TIMM23B: variants seen among roughly 807,000 people sequenced by gnomAD.
TIMM23B encodes translocase of inner mitochondrial membrane 23 homolog B.
TIMM23B carries 27 observed loss-of-function variants against 27.3 expected under a neutral mutation model. The observed-to-expected ratio is 0.99, with a 90% CI of 0.73 to 1.36. TIMM23B has a LOEUF of 1.36. Among genes scored for constraint, TIMM23B ranks in the 40% most tolerant of loss-of-function variants. The pLI, the probability that TIMM23B is intolerant of heterozygous loss-of-function variation, is 0.00. For missense variants in TIMM23B, 205 were observed against 244.2 expected (o/e 0.84, Z 1.07); for synonymous variants, 73 against 92.4 (o/e 0.79, Z 1.21).
In TIMM23B at chr10:49,973,913, T is replaced by C. The variant is rs1270309022; in HGVS notation, c.*849T>C. ...GCCTCCCGGCTTCAAGCAGTTCTCC[T>C]GCCTCAGCCTCCCAAGTAGCTGGGA... On this transcript the variant is annotated 3_prime_UTR_variant, in exon 7 of 7. Transcript: ENST00000651259. The C allele has an allele frequency of 1.5e-5, 2 of 135,494 alleles. No individual in the cohort carries two copies. Among genetic ancestry groups the C allele is most frequent in the African/African-American group, 5.9e-5 (2 of 34,014 alleles). 8.4% of individuals were successfully genotyped at this position (135,494 alleles called of 1,614,324 possible). A position where few individuals can be genotyped will look rare whatever the true frequency, so the allele number is the denominator to read the frequency against.
intron 1 of TIMM23B, among the ~76,000 whole-genome samples, chr10:49,944,038 T>G (rs61847103): frequency 3.3e-5 from 5 of 152,094 alleles, no homozygotes; most frequent in Non-Finnish European, 7.4e-5. Context: ...AAATTTGGCA[T>G]GTTTAAGGAA....
intron 6 of TIMM23B, among the ~76,000 whole-genome samples, chr10:49,968,403 T>C (rs1481504120): frequency 6.6e-6 from 1 of 152,260 alleles, no homozygotes; most frequent in Non-Finnish European, 1.5e-5. Flanking sequence ...CTACGTGATA[T>C]TTGTGGTGGA....
chr10:49,954,125 A>G (rs1190842548), intron 4 of TIMM23B: 2 of 156,724 alleles, frequency 1.3e-5, no homozygotes, highest in African/African-American at 4.8e-5. Flanking sequence ...AAGCAATACA[A>G]ATTTTTGTTT....
chr10:49,959,057 T>C (rs1839814370), intron 6 of TIMM23B, among the ~76,000 whole-genome samples: 1 of 152,242 alleles, frequency 6.6e-6, no homozygotes, highest in East Asian at 1.9e-4. Context: ...TGAATAATGC[T>C]GCTACGAATA....
chr10:49,964,584 T>C (rs1364526277), intron 6 of TIMM23B, among the ~76,000 whole-genome samples: 1 of 147,374 alleles, frequency 6.8e-6, no homozygotes, highest in Non-Finnish European at 1.5e-5. Flanking sequence ...AATGAAATAA[T>C]GAAATGAATA....
At chr10:49,945,182 T>G in intron 2 of TIMM23B, 92 bp downstream of exon 2, 1 of 1,334,742 alleles carries the variant, frequency 7.5e-7, no homozygotes, top group Non-Finnish European at 1.1e-6. Context: ...GACATACACT[T>G]CTGGAGGCAG....
intron 4 of TIMM23B, among the ~76,000 whole-genome samples, chr10:49,953,682 C>G (rs1199827780): frequency 6.6e-6 from 1 of 152,138 alleles, no homozygotes; most frequent in Non-Finnish European, 1.5e-5. Context: ...CTGTGTGGAT[C>G]TCTGTCCATG....
At chr10:49,968,443 G>C (rs185072884) in intron 6 of TIMM23B, among the ~76,000 whole-genome samples, 1 of 151,902 alleles carries the variant, frequency 6.6e-6, no homozygotes, top group Admixed American at 6.5e-5. Context: ...ATTCCTCAGC[G>C]AATCAAGTGT....
intron 1 of TIMM23B, among the ~76,000 whole-genome samples, chr10:49,943,737 G>GTTTTTTTTT (rs35547755): frequency 8.8e-6 from 1 of 113,628 alleles, no homozygotes; most frequent in Non-Finnish European, 1.8e-5. Flanking sequence ...GTTTTTGTGG[G>GTTTTTTTTT]TTTTTTTTTT....
At chr10:49,948,085 C>T (rs1839410577) in intron 2 of TIMM23B, among the ~76,000 whole-genome samples, 1 of 152,154 alleles carries the variant, frequency 6.6e-6, no homozygotes, top group East Asian at 1.9e-4. Flanking sequence ...TTTGAGTAGA[C>T]ATTTCTCTAT....
intron 1 of TIMM23B, 146 bp downstream of exon 1, chr10:49,942,446 G>A: frequency 7.1e-7 from 1 of 1,414,174 alleles, no homozygotes; most frequent in Non-Finnish European, 9.5e-7. Context: ...TAGTGTATCT[G>A]CATGGCTGCT....
At chr10:49,947,642 A>C (rs1383843254) in intron 2 of TIMM23B, among the ~76,000 whole-genome samples, 3 of 151,446 alleles carry the variant, frequency 2.0e-5, no homozygotes, top group Non-Finnish European at 4.4e-5. Flanking sequence ...AAAGAATGGA[A>C]AAAGTCCTGG....
At chr10:49,969,415 C>T (rs1254508092) in intron 6 of TIMM23B, among the ~76,000 whole-genome samples, 6 of 124,062 alleles carry the variant, frequency 4.8e-5, no homozygotes, top group Non-Finnish European at 6.4e-5. Context: ...CTAGCCTGGG[C>T]GACAGAGTGA....
At chr10:49,967,797 G>A (rs1840229106) in intron 6 of TIMM23B, among the ~76,000 whole-genome samples, 2 of 150,296 alleles carry the variant, frequency 1.3e-5, no homozygotes, top group South Asian at 4.3e-4. Flanking sequence ...CATATAATAT[G>A]CCTTAAGTTA....
At position 49,973,318 on chromosome 10, in the gene TIMM23B, A is replaced by C; in HGVS notation, c.*254A>C. The stretch of plus-strand genomic sequence containing the variant: ...CATTTATATTGACTTGTAAATTAGT[A>C]ATTTCTGAACTATTATTTATCAATT... On this transcript the variant is annotated 3_prime_UTR_variant, in exon 7 of 7. Transcript: ENST00000651259. The C allele has an allele frequency of 2.2e-6, 1 of 460,158 alleles. No homozygotes were observed. Among genetic ancestry groups the C allele is most frequent in the Non-Finnish European group, 3.8e-6 (1 of 262,526 alleles). 28.5% of individuals were successfully genotyped at this position (460,158 alleles called of 1,614,324 possible). A position where few individuals can be genotyped will look rare whatever the true frequency, so the allele number is the denominator to read the frequency against.
At chr10:49,970,664 T>TG (rs1164509600) in intron 6 of TIMM23B, among the ~76,000 whole-genome samples, 3 of 118,084 alleles carry the variant, frequency 2.5e-5, no homozygotes, top group South Asian at 2.8e-4. Context: ...GGGAGGGAGG[T>TG]GGGGGGCAGC....
At chr10:49,942,433 G>A (rs1839150492) in intron 1 of TIMM23B, 133 bp downstream of exon 1, 1 of 1,491,978 alleles carries the variant, frequency 6.7e-7, no homozygotes, top group Non-Finnish European at 9.0e-7. Context: ...CCAGTGGTGG[G>A]GTTAGTGTAT....
chr10:49,959,960 G>T (rs1839843450), intron 6 of TIMM23B, among the ~76,000 whole-genome samples: 1 of 151,196 alleles, frequency 6.6e-6, no homozygotes, highest in Admixed American at 6.6e-5. Flanking sequence ...TATTGGTCAG[G>T]CTGGTCTCAA....
At chr10:49,947,558 G>A (rs1352478908) in intron 2 of TIMM23B, among the ~76,000 whole-genome samples, 3 of 151,918 alleles carry the variant, frequency 2.0e-5, no homozygotes, top group Admixed American at 6.6e-5. Context: ...GTGGTGAGCC[G>A]AGATCGCACC....
Sources: allele counts gnomAD v4.1 joint callset (sites outside exome capture counted in the v4.1 genomes callset), GRCh38; gene constraint gnomAD v4.1.1; transcripts MANE v1.5; gene names NCBI Gene and HGNC (gene_info 2026-07-23, HGNC 2026-07-21).